TTYH2: variants seen among roughly 807,000 people sequenced by gnomAD.
The protein encoded by TTYH2 is protein tweety homolog 2.
TTYH2 carries 49 observed loss-of-function variants against 68.3 expected under a neutral mutation model. That is an observed-to-expected ratio of 0.72 (90% CI 0.57 to 0.91). TTYH2 has a LOEUF of 0.91. TTYH2 is among the 40% of genes least tolerant of loss of function. The probability of loss-of-function intolerance (pLI) is 0.00; values close to 1 mark genes in which losing one functional copy is unlikely to be tolerated. For missense variants in TTYH2, 631 were observed against 700.4 expected (o/e 0.90, Z 1.12); for synonymous variants, 272 against 300.8 (o/e 0.90, Z 0.99).
chr17:74,230,572 C>T (rs1037786241), intron 2 of TTYH2, among the ~76,000 whole-genome samples: 3 of 151,858 alleles, frequency 2.0e-5, no homozygotes, highest in African/African-American at 4.8e-5. Context: ...GTGTGTGGGG[C>T]AGCAGATATA....
At position 74,231,044 on chromosome 17, in the gene TTYH2, G is replaced by T; in HGVS notation, c.414+45G>T. 3 of 1,569,634 alleles carry T rather than the reference G, an allele frequency of 1.9e-6. No individual in the cohort carries two copies. The South Asian group carries it at 3.3e-5, about 17-fold the overall frequency. On this transcript the variant is annotated intron_variant, in intron 3 of 13. Coordinates refer to ENST00000269346, the MANE Select transcript of TTYH2 (RefSeq NM_032646.6). ...GGCCGGGTACAGGCACAGCCCACAA[G>T]GTCAGCGTGGTCAGAGCAAGGGCCC... is the stretch of plus-strand genomic sequence containing the variant.
At chr17:74,223,823 C>A (rs894245254) in intron 2 of TTYH2, among the ~76,000 whole-genome samples, 1 of 152,152 alleles carries the variant, frequency 6.6e-6, no homozygotes, top group Non-Finnish European at 1.5e-5. Flanking sequence ...GGCTCTCATA[C>A]CCAGGCAGCT....
chr17:74,222,687 T>C lies in TTYH2; in HGVS notation c.302+30T>C. 1 of 1,583,144 alleles carries C rather than the reference T, an allele frequency of 6.3e-7. No individual in the cohort carries two copies. Among genetic ancestry groups the C allele is most frequent in the African/African-American group, 1.3e-5 (1 of 74,372 alleles). ...GTGTCCCTGGACGCTGGGCTTGGGG[T>C]GTGTGACTCAGTCTGCAAGGGGCCA... On this transcript the variant is annotated intron_variant, in intron 2 of 13. Transcript: ENST00000269346. This position sits in a 1 kb window ranked among gnomAD's most constrained non-coding sequence, Gnocchi z 5.2.
In TTYH2 at chr17:74,261,895, G is replaced by T. The variant is rs1326322062; in HGVS notation, c.*1686G>T. The T allele has an allele frequency of 1.3e-5, 2 of 152,506 alleles. No individual in the cohort carries two copies. Among genetic ancestry groups the T allele is most frequent in the Admixed American group, 6.5e-5 (1 of 15,276 alleles). 9.4% of individuals were successfully genotyped at this position (152,506 alleles called of 1,614,324 possible). ...AAAGTTTCATTATTGGCAACTAGAG[G>T]GTTGTTTTTAATGCATGGAAACTAA... On this transcript the variant is annotated 3_prime_UTR_variant, in exon 14 of 14. Coordinates refer to ENST00000269346, the MANE Select transcript of TTYH2 (RefSeq NM_032646.6).
At chr17:74,260,107 C>T (rs1279108027) in intron 13 of TTYH2, 22 bp from the exon 14 acceptor site, 2 of 1,609,996 alleles carry the variant, frequency 1.2e-6, no homozygotes, top group African/African-American at 2.7e-5. Context: ...CTCTGACCAT[C>T]CCCTCTCTTC....
Position 74,215,735 on chromosome 17 carries a change from C to T in TTYH2, c.129+2019C>T. On this transcript the variant is annotated intron_variant, in intron 1 of 13. Transcript: ENST00000269346. This position sits in a 1 kb window ranked among gnomAD's most constrained non-coding sequence, Gnocchi z 4.3. The stretch of plus-strand genomic sequence containing the variant: ...TTGGTAAGTTCCCCTGTTGTGACCA[C>T]AGGTCTCTCCTGGATGTCTTCTTTC... The T allele has an allele frequency of 6.5e-7, 1 of 1,532,520 alleles. No homozygotes were observed. Among genetic ancestry groups the T allele is most frequent in the Non-Finnish European group, 8.7e-7 (1 of 1,144,014 alleles). 94.9% of individuals were successfully genotyped at this position (1,532,520 alleles called of 1,614,324 possible). A position where few individuals can be genotyped will look rare whatever the true frequency, so the allele number is the denominator to read the frequency against.
intron 3 of TTYH2, 140 bp downstream of exon 3, chr17:74,231,139 T>A: frequency 1.3e-6 from 1 of 752,816 alleles, no homozygotes; most frequent in Non-Finnish European, 2.1e-6. Flanking sequence ...GACCCCCGCC[T>A]GCGCTGCAGT....
chr17:74,241,568 C>T lies in TTYH2; in HGVS notation c.636-1806C>T, dbSNP rs183466394. On this transcript the variant is annotated intron_variant, in intron 4 of 13. Transcript: ENST00000269346. This position sits in a 1 kb window ranked among gnomAD's most constrained non-coding sequence, Gnocchi z 4.1. Reference sequence around the variant, plus strand: ...CCTCCCTTGGCTGCCAGGCCTCCAGCTTGCTCCCTCCCCTCTCTCCCTCGG... The same window carrying T: ...CCTCCCTTGGCTGCCAGGCCTCCAGTTTGCTCCCTCCCCTCTCTCCCTCGG... Among the ~76,000 whole-genome samples, 1 of 152,078 alleles carries T rather than the reference C, an allele frequency of 6.6e-6. No homozygotes were observed. The highest frequency in any genetic ancestry group is 6.5e-5 in the Admixed American group (1 of 15,270).
chr17:74,255,547 G>T (rs1334013083), intron 13 of TTYH2, among the ~76,000 whole-genome samples: 1 of 152,010 alleles, frequency 6.6e-6, no homozygotes, highest in Non-Finnish European at 1.5e-5. Flanking sequence ...CACCTCCCAG[G>T]TTCAAGTGAT....
At chr17:74,252,525 A>C in intron 11 of TTYH2, 149 bp downstream of exon 11, 1 of 1,037,412 alleles carries the variant, frequency 9.6e-7, no homozygotes, top group Non-Finnish European at 1.4e-6. Flanking sequence ...AGGCTGGCTG[A>C]CTTCTACAGA....
intron 13 of TTYH2, among the ~76,000 whole-genome samples, chr17:74,259,221 T>A (rs1476277388): frequency 6.6e-6 from 1 of 152,180 alleles, no homozygotes; most frequent in Non-Finnish European, 1.5e-5. Context: ...TCTTTGTTTT[T>A]TTTTAAGAGA....
intron 2 of TTYH2, among the ~76,000 whole-genome samples, chr17:74,223,285 T>TTTG (rs200115969): frequency 8.5e-6 from 1 of 117,734 alleles, no homozygotes; most frequent in African/African-American, 3.5e-5. Flanking sequence ...GCTTTTTTTT[T>TTTG]GGGGGGCGGG....
In TTYH2 at chr17:74,215,480, C is replaced by T; in HGVS notation, c.129+1764C>T. The T allele has an allele frequency of 1.4e-6, 1 of 698,618 alleles. No individual in the cohort carries two copies. The highest frequency in any genetic ancestry group is 2.4e-6 in the Non-Finnish European group (1 of 423,648). The allele number at this position is 698,618 out of a possible 1,614,324, so 43.3% of individuals were successfully genotyped here. A position where few individuals can be genotyped will look rare whatever the true frequency, so the allele number is the denominator to read the frequency against. On this transcript the variant is annotated intron_variant, in intron 1 of 13. Coordinates refer to ENST00000269346, the MANE Select transcript of TTYH2 (RefSeq NM_032646.6). The surrounding 1 kb of genome is among the most constrained non-coding windows in gnomAD (Gnocchi z 4.3). ...GATGAACCTACCTCCAGCCTCTGCC[C>T]CTCCTCCCAGGATTCTGGCCCCGGC...
In TTYH2 at chr17:74,217,791, C is replaced by T. The variant is rs1255098222; in HGVS notation, c.129+4075C>T. On this transcript the variant is annotated intron_variant, in intron 1 of 13. Transcript: ENST00000269346. This position sits in a 1 kb window ranked among gnomAD's most constrained non-coding sequence, Gnocchi z 4.0. ...GTCCCGCTGCCATGGTCACTGCGGC[C>T]CCCAACTTGGGTCCCAGCTTGGCAC... is the stretch of plus-strand genomic sequence containing the variant. 6.6e-6 allele frequency among the ~76,000 whole-genome samples: 1 copy of T among 152,200 alleles called. No individual in the cohort carries two copies. Among genetic ancestry groups the T allele is most frequent in the Non-Finnish European group, 1.5e-5 (1 of 68,046 alleles).
In TTYH2 at chr17:74,253,852, C is replaced by T. The variant is rs746229758; in HGVS notation, c.1524+19C>T. 1.9e-6 allele frequency: 3 copies of T among 1,613,626 alleles called. No individual in the cohort carries two copies. Among genetic ancestry groups the T allele is most frequent in the Admixed American group, 1.7e-5 (1 of 60,028 alleles). On this transcript the variant is annotated intron_variant, in intron 13 of 13. Coordinates refer to ENST00000269346, the MANE Select transcript of TTYH2 (RefSeq NM_032646.6). ...GCCTACGGTAATTGGGGCTCTGGCC[C>T]TTCCTTGTTGGGGTAATACATAAAG...
chr17:74,230,748 C>A, intron 2 of TTYH2, 140 bp from the exon 3 acceptor site: 1 of 737,552 alleles, frequency 1.4e-6, no homozygotes. Flanking sequence ...TCAAGCAATT[C>A]TATGCCTCAA....
At chr17:74,240,049 A>C (rs566503877) in intron 4 of TTYH2, among the ~76,000 whole-genome samples, 1 of 152,338 alleles carries the variant, frequency 6.6e-6, no homozygotes, top group Non-Finnish European at 1.5e-5. Context: ...CGATGGTATT[A>C]AAATAGTGGA....
chr17:74,255,624 G>A (rs755616539), intron 13 of TTYH2, among the ~76,000 whole-genome samples: 8 of 151,840 alleles, frequency 5.3e-5, no homozygotes, highest in Non-Finnish European at 1.0e-4. Context: ...GCTAATTTTT[G>A]TATTTTTAGC....
chr17:74,253,968 G>T, intron 13 of TTYH2, 135 bp downstream of exon 13: 2 of 907,874 alleles, frequency 2.2e-6, no homozygotes, highest in Non-Finnish European at 1.7e-6. Context: ...AAACCAGACC[G>T]TCGTGGGTAT....
Sources: allele counts gnomAD v4.1 joint callset (sites outside exome capture counted in the v4.1 genomes callset), GRCh38; gene constraint gnomAD v4.1.1; non-coding constraint Gnocchi (gnomAD v3.1); transcripts MANE v1.5; gene names NCBI Gene and HGNC (gene_info 2026-07-23, HGNC 2026-07-21).